The following PKD2L1 variants were observed in gnomAD, a reference collection of about 807,000 sequenced individuals.
PKD2L1 encodes the protein polycystin-2-like protein 1.
PKD2L1 carries 77 observed loss-of-function variants against 93.0 expected under a neutral mutation model. The ratio of observed to expected loss-of-function variants is 0.83; its 90% CI spans 0.69 to 1.00. The LOEUF (loss-of-function observed/expected upper bound fraction) is 1.00. Ranked by LOEUF, PKD2L1 falls within the 50% of genes least tolerant of loss-of-function variation. The pLI is 0.00. For missense variants in PKD2L1, 977 were observed against 990.9 expected (o/e 0.99, Z 0.19); for synonymous variants, 390 against 388.0 (o/e 1.01, Z -0.06).
intron 9 of PKD2L1, 76 bp downstream of exon 9, chr10:100,294,459 T>C: frequency 6.7e-7 from 1 of 1,494,788 alleles, no homozygotes; most frequent in South Asian, 1.1e-5. Context: ...TTATCAATCC[T>C]GAGTGAGGGA....
chr10:100,318,998 G>A (rs868828259), intron 2 of PKD2L1, among the ~76,000 whole-genome samples: 3 of 151,410 alleles, frequency 2.0e-5, no homozygotes, highest in East Asian at 1.9e-4. Flanking sequence ...GGCACACACC[G>A]CTGTGCCCAT....
At chr10:100,321,199 C>T (rs1309677351) in intron 2 of PKD2L1, among the ~76,000 whole-genome samples, 1 of 152,170 alleles carries the variant, frequency 6.6e-6, no homozygotes, top group African/African-American at 2.4e-5. Context: ...GTGGCTCACG[C>T]CTGTAATCCC....
At chr10:100,298,181 C>G (rs1481633683) in intron 4 of PKD2L1, among the ~76,000 whole-genome samples, 4 of 152,174 alleles carry the variant, frequency 2.6e-5, no homozygotes, top group Non-Finnish European at 5.9e-5. Context: ...ATCCTTGACC[C>G]CTTGCTGCTC....
At chr10:100,322,364 T>C (rs1589683360) in intron 2 of PKD2L1, among the ~76,000 whole-genome samples, 1 of 151,772 alleles carries the variant, frequency 6.6e-6, no homozygotes, top group Non-Finnish European at 1.5e-5. Context: ...CCGTCTCTAC[T>C]AAAAATACAA....
intron 2 of PKD2L1, among the ~76,000 whole-genome samples, chr10:100,324,592 C>G (rs998122580): frequency 1.3e-5 from 2 of 151,976 alleles, no homozygotes; most frequent in Non-Finnish European, 2.9e-5. Context: ...GTCTAGAGGA[C>G]CAGGTGAGGG....
intron 2 of PKD2L1, among the ~76,000 whole-genome samples, chr10:100,303,073 G>GAAGC (rs1221022392): frequency 2.6e-5 from 4 of 152,108 alleles, no homozygotes; most frequent in African/African-American, 9.7e-5. Context: ...TGAGAAAGGA[G>GAAGC]AAGCAAGCAT....
chr10:100,320,788 T>C (rs1849209487), intron 2 of PKD2L1, among the ~76,000 whole-genome samples: 2 of 152,234 alleles, frequency 1.3e-5, no homozygotes, highest in South Asian at 4.1e-4. Flanking sequence ...GTGACAAAAT[T>C]GATGTGATCT....
At chr10:100,329,797 C>A in intron 1 of PKD2L1, 72 bp downstream of exon 1, 2 of 1,058,596 alleles carry the variant, frequency 1.9e-6, no homozygotes, top group East Asian at 2.4e-5. Context: ...CCACCCCCAC[C>A]CCCTGCCCAA....
chr10:100,292,593 A>G (rs1323457077), intron 11 of PKD2L1, among the ~76,000 whole-genome samples: 1 of 152,170 alleles, frequency 6.6e-6, no homozygotes, highest in Non-Finnish European at 1.5e-5. Context: ...TTTGACTGGG[A>G]ATCAGGGAGT....
intron 2 of PKD2L1, among the ~76,000 whole-genome samples, chr10:100,325,268 C>T (rs1005203395): frequency 1.3e-5 from 2 of 152,166 alleles, no homozygotes; most frequent in Non-Finnish European, 2.9e-5. Context: ...GGGGCTACAT[C>T]GTCCCCACTG....
chr10:100,317,795 C>T (rs1409770044), intron 2 of PKD2L1, among the ~76,000 whole-genome samples: 4 of 151,648 alleles, frequency 2.6e-5, no homozygotes, highest in South Asian at 2.1e-4. Context: ...AAAAAGATTG[C>T]TGTGGCCGGG....
intron 2 of PKD2L1, among the ~76,000 whole-genome samples, chr10:100,312,505 G>T (rs1235010453): frequency 2.6e-5 from 4 of 152,180 alleles, no homozygotes; most frequent in Non-Finnish European, 5.9e-5. Context: ...TCTTAGCCCA[G>T]CTGGAAGAAT....
intron 2 of PKD2L1, among the ~76,000 whole-genome samples, chr10:100,311,254 T>C (rs1396419119): frequency 6.6e-6 from 1 of 152,242 alleles, no homozygotes; most frequent in African/African-American, 2.4e-5. Flanking sequence ...TCTTGTTTAA[T>C]CTAGAGTGTT....
In PKD2L1 at chr10:100,295,113, T is replaced by G. The variant is rs199670626; in HGVS notation, c.1367A>C (p.Tyr456Ser). 6.2e-7 allele frequency: 1 copy of G among 1,613,472 alleles called. No individual in the cohort carries two copies. Among genetic ancestry groups the G allele is most frequent in the Non-Finnish European group, 8.5e-7 (1 of 1,179,546 alleles). Residue 456 changes from tyrosine (Y) to serine (S), a missense_variant, in exon 8 of 16, where the codon TAC (tyrosine) becomes TCC (serine). Transcript: ENST00000318222. ...GGTCATGGTTTTGTTGAAGCTGATG[T>G]ACTTGAATATCTGGAAGGACCATGT... is the stretch of plus-strand genomic sequence containing the variant. The part of the protein sequence containing the change: ...LFFAWIKIFK[Y>S]ISFNKTMTQL...
chr10:100,305,777 AG>A (rs1182454143), intron 2 of PKD2L1, among the ~76,000 whole-genome samples: 5 of 152,190 alleles, frequency 3.3e-5, no homozygotes, highest in Non-Finnish European at 7.4e-5. Flanking sequence ...GAGGAAGCCC[AG>A]GGTTGTACAT....
intron 9 of PKD2L1, 116 bp from the exon 10 acceptor site, chr10:100,293,495 C>G (rs1164409181): frequency 1.5e-6 from 1 of 689,142 alleles, no homozygotes; most frequent in East Asian, 2.7e-5. Context: ...GCTCTCAACC[C>G]CAGTTCGGCA....
intron 2 of PKD2L1, among the ~76,000 whole-genome samples, chr10:100,327,416 A>G (rs891596300): frequency 6.6e-6 from 1 of 152,238 alleles, no homozygotes; most frequent in Non-Finnish European, 1.5e-5. Context: ...CAGTGCACTG[A>G]GATCTTAGAA....
intron 2 of PKD2L1, among the ~76,000 whole-genome samples, chr10:100,328,051 A>G (rs904327836): frequency 6.6e-6 from 1 of 152,214 alleles, no homozygotes; most frequent in Non-Finnish European, 1.5e-5. Context: ...TAGAACACCT[A>G]CTAATGAGGG....
chr10:100,310,979 C>T (rs1564889476), intron 2 of PKD2L1, among the ~76,000 whole-genome samples: 4 of 152,234 alleles, frequency 2.6e-5, no homozygotes, highest in South Asian at 2.1e-4. Context: ...AATCTGCCCT[C>T]CTTGGCCTCC....
Sources: allele counts gnomAD v4.1 joint callset (sites outside exome capture counted in the v4.1 genomes callset), GRCh38; gene constraint gnomAD v4.1.1; transcripts MANE v1.5; gene names NCBI Gene and HGNC (gene_info 2026-07-23, HGNC 2026-07-21).